Variants in NKAIN2 observed in about 807,000 individuals in gnomAD.
The protein encoded by NKAIN2 is sodium/potassium-transporting ATPase subunit beta-1-interacting protein 2.
A neutral mutation model predicts 32.6 loss-of-function variants in NKAIN2; 14 were observed. The ratio of observed to expected loss-of-function variants is 0.43; its 90% CI spans 0.28 to 0.67. The LOEUF is 0.67. Ranked by LOEUF, NKAIN2 falls within the 30% of genes least tolerant of loss-of-function variation. The probability of loss-of-function intolerance (pLI) is 0.17; values close to 1 mark genes in which losing one functional copy is unlikely to be tolerated. For missense variants in NKAIN2, 198 were observed against 258.3 expected, an observed-to-expected ratio of 0.77 and a Z score of 1.60; for synonymous variants, 80 against 87.2, an observed-to-expected ratio of 0.92 and a Z score of 0.46.
intron 1 of NKAIN2, among the ~76,000 whole-genome samples, chr6:124,253,794 T>C (rs192577724): frequency 3.7e-4 from 57 of 152,110 alleles, no homozygotes; most frequent in Non-Finnish European, 6.8e-4. Context: ...TGTATCATCT[T>C]CTCTATAATA....
At chr6:124,574,974 T>C (rs1781273490) in intron 3 of NKAIN2, among the ~76,000 whole-genome samples, 1 of 152,206 alleles carries the variant, frequency 6.6e-6, no homozygotes, top group Non-Finnish European at 1.5e-5. Flanking sequence ...AGGATGAACA[T>C]ATCAGAGTGC....
intron 1 of NKAIN2, among the ~76,000 whole-genome samples, chr6:123,814,051 C>T (rs1239689701): frequency 6.6e-6 from 1 of 151,888 alleles, no homozygotes; most frequent in East Asian, 1.9e-4. Context: ...ATTTTATTCA[C>T]CCAAAAGATA....
At chr6:124,672,525 C>T (rs572757943) in intron 4 of NKAIN2, among the ~76,000 whole-genome samples, 20 of 152,114 alleles carry the variant, frequency 1.3e-4, no homozygotes, top group African/African-American at 4.3e-4. Context: ...AAATATCTTT[C>T]ATTCCAAAGA....
chr6:123,937,201 C>T (rs1446826015), intron 1 of NKAIN2, among the ~76,000 whole-genome samples: 1 of 152,136 alleles, frequency 6.6e-6, no homozygotes, highest in Non-Finnish European at 1.5e-5. Context: ...GTCTCTGCCT[C>T]ATACCTCAGG....
intron 1 of NKAIN2, among the ~76,000 whole-genome samples, chr6:123,950,968 AT>A (rs892733307): frequency 2.0e-5 from 3 of 151,650 alleles, no homozygotes; most frequent in African/African-American, 7.3e-5. Flanking sequence ...TATCTCATAG[AT>A]TTTTGTGTGT....
At chr6:123,894,222 G>A (rs890527674) in intron 1 of NKAIN2, among the ~76,000 whole-genome samples, 11 of 152,022 alleles carry the variant, frequency 7.2e-5, no homozygotes, top group Non-Finnish European at 8.8e-5. Context: ...GTTCATGGCT[G>A]GTGACTGCAA....
intron 3 of NKAIN2, among the ~76,000 whole-genome samples, chr6:124,526,826 G>A (rs1779334081): frequency 6.6e-6 from 1 of 152,164 alleles, no homozygotes; most frequent in Non-Finnish European, 1.5e-5. Context: ...AGGGCAGTGG[G>A]AGTAGTGGGG....
chr6:123,951,216 G>T (rs753957263), intron 1 of NKAIN2, among the ~76,000 whole-genome samples: 2 of 151,994 alleles, frequency 1.3e-5, no homozygotes, highest in Non-Finnish European at 2.9e-5. Context: ...GTGCTAATGA[G>T]AAAAATGTGT....
rs189593578 is a variant in NKAIN2 at position 124,734,466 on chromosome 6, A to G, written c.475-56873A>G. ...TAAAATCTTTAAATGGTCCCTTACT[A>G]CCTAAATTCTTTATCATTACCCTTC... On this transcript the variant is annotated intron_variant, in intron 4 of 6. Coordinates refer to ENST00000368417, the MANE Select transcript of NKAIN2 (RefSeq NM_001040214.3). Among the ~76,000 whole-genome samples the G allele has an allele frequency of 2.9e-3, 441 of 151,304 alleles. 2 individuals are homozygous for G. Among genetic ancestry groups the G allele is most frequent in the Non-Finnish European group, 5.4e-3 (363 of 67,632 alleles).
At chr6:124,768,585 A>G in intron 4 of NKAIN2, among the ~76,000 whole-genome samples, 1 of 152,300 alleles carries the variant, frequency 6.6e-6, no homozygotes, top group South Asian at 2.1e-4. Flanking sequence ...AATATCATAA[A>G]CTTTATATAC....
chr6:123,925,070 A>G (rs1392984294), intron 1 of NKAIN2, among the ~76,000 whole-genome samples: 2 of 151,888 alleles, frequency 1.3e-5, no homozygotes, highest in Admixed American at 6.6e-5. Flanking sequence ...CCAGAATGGA[A>G]TTTTTTTTGT....
chr6:124,267,698 A>T (rs138506176), intron 1 of NKAIN2, among the ~76,000 whole-genome samples: 20 of 152,314 alleles, frequency 1.3e-4, no homozygotes, highest in Non-Finnish European at 2.5e-4. Flanking sequence ...TTGATCCAAA[A>T]TATTTTTAAA....
chr6:124,116,025 T>C (rs1785592370), intron 1 of NKAIN2, among the ~76,000 whole-genome samples: 1 of 151,982 alleles, frequency 6.6e-6, no homozygotes, highest in South Asian at 2.1e-4. Flanking sequence ...TATATTTTAT[T>C]ATAGTTAGAA....
intron 1 of NKAIN2, among the ~76,000 whole-genome samples, chr6:123,808,143 T>G (rs573341712): frequency 3.3e-5 from 5 of 152,182 alleles, no homozygotes; most frequent in African/African-American, 1.2e-4. Flanking sequence ...AAAGCGTTGC[T>G]GTGAAGTAGC....
chr6:123,897,338 G>A (rs908708187), intron 1 of NKAIN2, among the ~76,000 whole-genome samples: 1 of 151,964 alleles, frequency 6.6e-6, no homozygotes, highest in Non-Finnish European at 1.5e-5. Context: ...ATGGCTCCCT[G>A]GACACACCGA....
intron 1 of NKAIN2, among the ~76,000 whole-genome samples, chr6:124,203,363 G>A (rs138479723): frequency 1.2e-3 from 183 of 151,812 alleles, no homozygotes; most frequent in African/African-American, 4.2e-3. Flanking sequence ...AAAACTATGG[G>A]TATTTTTGTT....
intron 4 of NKAIN2, among the ~76,000 whole-genome samples, chr6:124,749,258 C>T (rs1021503571): frequency 1.3e-5 from 2 of 151,872 alleles, no homozygotes; most frequent in African/African-American, 4.8e-5. Flanking sequence ...GCTGGGAAAG[C>T]GTCTCTGCTT....
intron 1 of NKAIN2, among the ~76,000 whole-genome samples, chr6:124,072,354 G>A (rs539891443): frequency 6.6e-6 from 1 of 152,080 alleles, no homozygotes; most frequent in South Asian, 2.1e-4. Flanking sequence ...ACTAACTACT[G>A]GGTACTATTC....
At chr6:124,768,659 A>T (rs1778618432) in intron 4 of NKAIN2, among the ~76,000 whole-genome samples, 1 of 152,162 alleles carries the variant, frequency 6.6e-6, no homozygotes. Context: ...AACATTTCCT[A>T]GATATAAGAA....
Sources: gnomAD v4.1 joint callset for allele counts (sites outside exome capture counted in the v4.1 genomes callset) on GRCh38, gnomAD v4.1.1 for gene constraint, MANE v1.5 for transcripts, NCBI Gene and HGNC (gene_info 2026-07-23, HGNC 2026-07-21) for gene names.